Variants in TEX11 observed in about 807,000 individuals in gnomAD.
TEX11 encodes the protein testis-expressed protein 11.
Under a neutral mutation model 84.4 loss-of-function variants are expected in TEX11, and 7 were observed. The ratio of observed to expected loss-of-function variants is 0.08; its 90% CI spans 0.05 to 0.16. TEX11 has a LOEUF of 0.16. Among genes scored for constraint, TEX11 ranks in the 10% least tolerant of loss-of-function variants. The pLI, the probability that TEX11 is intolerant of heterozygous loss-of-function variation, is 1.00. For missense variants in TEX11, 551 were observed against 660.5 expected (o/e 0.83, Z 1.82); for synonymous variants, 264 against 222.8 (o/e 1.18, Z -1.64).
intron 2 of TEX11, among the ~76,000 whole-genome samples, chrX:70,894,702 A>C (rs908912964): frequency 9.0e-6 from 1 of 111,501 alleles, no homozygotes; most frequent in African/African-American, 3.3e-5. Flanking sequence ...AGTCGGCTTC[A>C]TCCCGGGGAT....
chrX:70,795,121 A>C (rs2091148301), intron 9 of TEX11, among the ~76,000 whole-genome samples: 1 of 108,782 alleles, frequency 9.2e-6, no homozygotes, highest in African/African-American at 3.3e-5. Flanking sequence ...GATGAGTCCC[A>C]GACCCGGCAC....
At chrX:70,897,670 A>C (rs2091778391) in intron 2 of TEX11, 1 of 71,755 alleles carries the variant, frequency 1.4e-5, no homozygotes, top group Non-Finnish European at 2.6e-5. Flanking sequence ...GAAGGAAAAC[A>C]AAGAAAGAAA....
At chrX:70,780,078 A>G (rs2091028159) in intron 9 of TEX11, among the ~76,000 whole-genome samples, 1 of 111,352 alleles carries the variant, frequency 9.0e-6, no homozygotes, top group Non-Finnish European at 1.9e-5. Flanking sequence ...ACCAGCAACC[A>G]GCCTGGCCAA....
chrX:70,767,835 A>G (rs2090950201), intron 9 of TEX11, among the ~76,000 whole-genome samples: 1 of 111,635 alleles, frequency 9.0e-6, no homozygotes, highest in Non-Finnish European at 1.9e-5. Flanking sequence ...ACATAAATGA[A>G]TCTGGAGATC....
intron 9 of TEX11, among the ~76,000 whole-genome samples, chrX:70,757,682 G>A (rs1236422126): frequency 8.9e-6 from 1 of 111,806 alleles, no homozygotes; most frequent in East Asian, 2.8e-4. Context: ...AAATTGTAAA[G>A]ACCGTCTATG....
At chrX:70,821,949 C>A (rs1192214968) in intron 8 of TEX11, among the ~76,000 whole-genome samples, 1 of 111,171 alleles carries the variant, frequency 9.0e-6, no homozygotes, top group East Asian at 2.8e-4. Flanking sequence ...GGGATTTGTT[C>A]CAGGACCCTC....
chrX:70,564,228 C>CA (rs1414675496), intron 25 of TEX11, among the ~76,000 whole-genome samples: 1 of 110,737 alleles, frequency 9.0e-6, no homozygotes, highest in Non-Finnish European at 1.9e-5. Flanking sequence ...GACTTCATCT[C>CA]AAAAAAACAA....
intron 25 of TEX11, among the ~76,000 whole-genome samples, chrX:70,577,362 A>C (rs1444081665): frequency 1.8e-5 from 2 of 112,146 alleles, no homozygotes; most frequent in African/African-American, 6.5e-5. Context: ...GCATAAATTC[A>C]GTAATATTAA....
chrX:70,804,020 T>TACATC (rs1256170326), intron 9 of TEX11, among the ~76,000 whole-genome samples: 5 of 111,721 alleles, frequency 4.5e-5, no homozygotes, highest in South Asian at 7.6e-4. Flanking sequence ...TTCCAAAGAT[T>TACATC]TAAAGATGTA....
intron 16 of TEX11, among the ~76,000 whole-genome samples, chrX:70,657,460 A>G (rs1351295814): frequency 9.0e-6 from 1 of 110,956 alleles, no homozygotes; most frequent in Non-Finnish European, 1.9e-5. Context: ...AAAATTAAAA[A>G]AAAAAAAGCA....
intron 16 of TEX11, among the ~76,000 whole-genome samples, chrX:70,668,359 C>T (rs753054550): frequency 8.9e-6 from 1 of 112,224 alleles, no homozygotes; most frequent in African/African-American, 3.2e-5. Flanking sequence ...AGGTTAGACA[C>T]TGGCGAGGTG....
chrX:70,562,154 T>C (rs1476888010), intron 25 of TEX11, among the ~76,000 whole-genome samples: 4 of 112,409 alleles, frequency 3.6e-5, no homozygotes, highest in Non-Finnish European at 7.5e-5. Flanking sequence ...TTCACTTCCA[T>C]AAGCAAATGC....
At chrX:70,856,962 G>C (rs954083355) in intron 5 of TEX11, among the ~76,000 whole-genome samples, 7 of 111,461 alleles carry the variant, frequency 6.3e-5, no homozygotes, top group Non-Finnish European at 1.1e-4. Flanking sequence ...AATTGGAGAG[G>C]GGGTGGGAGG....
chrX:70,625,541 G>A (rs1456609025), intron 18 of TEX11, among the ~76,000 whole-genome samples: 2 of 110,570 alleles, frequency 1.8e-5, no homozygotes, highest in Non-Finnish European at 3.8e-5. Context: ...AGATGGAGTA[G>A]GTGTCTTTCT....
At chrX:70,651,415 A>G (rs758889074) in intron 17 of TEX11, 35 bp downstream of exon 17, 8 of 971,353 alleles carry the variant, frequency 8.2e-6, no homozygotes, top group Non-Finnish European at 1.2e-5. Flanking sequence ...TCTTTGTGTT[A>G]ATAGTCAAAT....
chrX:70,894,620 G>A (rs752855167), intron 2 of TEX11, among the ~76,000 whole-genome samples: 6 of 104,809 alleles, frequency 5.7e-5, no homozygotes, highest in South Asian at 4.6e-4. Context: ...GCGAGACTCC[G>A]TCTAAAAAAA....
chrX:70,546,279 A>G (rs2088123489), intron 28 of TEX11, among the ~76,000 whole-genome samples: 1 of 112,175 alleles, frequency 8.9e-6, no homozygotes, highest in Non-Finnish European at 1.9e-5. Context: ...TGTCAGAGAT[A>G]AAAGTATAAA....
At chrX:70,639,527 G>A (rs1233401561) in intron 17 of TEX11, among the ~76,000 whole-genome samples, 1 of 112,193 alleles carries the variant, frequency 8.9e-6, no homozygotes, top group Admixed American at 9.4e-5. Context: ...CTGTCTGACA[G>A]CTTTGAAGAG....
At chrX:70,640,573 G>C (rs1007519158) in intron 17 of TEX11, among the ~76,000 whole-genome samples, 5 of 110,508 alleles carry the variant, frequency 4.5e-5, no homozygotes, top group African/African-American at 1.6e-4. Flanking sequence ...CGGATCTCTC[G>C]GCAGAAACCC....
Sources: gnomAD v4.1 joint callset for allele counts (sites outside exome capture counted in the v4.1 genomes callset) on GRCh38, gnomAD v4.1.1 for gene constraint, MANE v1.5 for transcripts, NCBI Gene and HGNC (gene_info 2026-07-23, HGNC 2026-07-21) for gene names.